The following NUTM2B variants were observed in gnomAD, a reference collection of about 807,000 sequenced individuals.
NUTM2B encodes the protein NUT family member 2B.
NUTM2B carries 2 observed loss-of-function variants against 42.4 expected under a neutral mutation model. The ratio of observed to expected loss-of-function variants is 0.05; its 90% CI spans 0.02 to 0.15. The LOEUF (loss-of-function observed/expected upper bound fraction) is 0.15, where lower values mean the gene tolerates loss of function less well. Ranked by LOEUF, NUTM2B falls within the 10% of genes least tolerant of loss-of-function variation. The pLI is 1.00. For missense variants in NUTM2B, 58 were observed against 952.6 expected (o/e 0.06, Z 12.36); for synonymous variants, 18 against 402.4 (o/e 0.04, Z 11.43).
At chr10:79,695,944 T>C in the NUTM2B span, among the ~76,000 whole-genome samples, 1 of 150,010 alleles carries the variant, frequency 6.7e-6, no homozygotes, top group African/African-American at 2.4e-5. Flanking sequence ...CTACCATTTA[T>C]ATGGATTCTT....
chr10:79,712,359 G>A lies in NUTM2B; in HGVS notation c.2511G>A (p.Gly837=), dbSNP rs764130708. The A allele has an allele frequency of 1.7e-4, 247 of 1,415,820 alleles. 43 individuals are homozygous for A. Among genetic ancestry groups the A allele is most frequent in the Non-Finnish European group, 2.2e-4 (230 of 1,061,372 alleles). The allele number at this position is 1,415,820 out of a possible 1,614,324, so 87.7% of individuals were successfully genotyped here. ...CTGCTGAAAAGACACCCTACCCAGG[G>A]CCTGGGCTCAGGGTCTCTGGGGAGC... Residue 837 remains glycine, a synonymous_variant, in exon 7 of 7, where the codon GGG becomes GGA. Transcript: ENST00000429828.
upstream of NUTM2B, among the ~76,000 whole-genome samples, chr10:79,699,720 G>A (rs1840278321): frequency 6.6e-6 from 1 of 152,162 alleles, no homozygotes; most frequent in South Asian, 2.1e-4. Context: ...TGGGATTATA[G>A]GTGTGAGCCA....
At chr10:79,702,291 C>T (rs1840326454), upstream of NUTM2B, among the ~76,000 whole-genome samples, 1 of 152,008 alleles carries the variant, frequency 6.6e-6, no homozygotes, top group Non-Finnish European at 1.5e-5. Flanking sequence ...CAGACAGTCA[C>T]TGCATGGAGG....
chr10:79,698,397 C>T (rs1302179853), upstream of NUTM2B, among the ~76,000 whole-genome samples: 1 of 150,044 alleles, frequency 6.7e-6, no homozygotes, highest in Non-Finnish European at 1.5e-5. Context: ...CAAAGAAATA[C>T]ACTTTAAATA....
At chr10:79,709,979 C>A in intron 4 of NUTM2B, 40 bp downstream of exon 4, 1 of 516,338 alleles carries the variant, frequency 1.9e-6, no homozygotes, top group South Asian at 2.5e-5. Flanking sequence ...ATGGCAAAGG[C>A]CAAAAGGGCC....
the NUTM2B span, among the ~76,000 whole-genome samples, chr10:79,695,324 T>C: frequency 6.6e-6 from 1 of 152,196 alleles, no homozygotes; most frequent in Admixed American, 6.5e-5. Flanking sequence ...ACATTTTCTG[T>C]ACGGAACTTC....
the NUTM2B span, among the ~76,000 whole-genome samples, chr10:79,698,210 G>T: frequency 2.7e-5 from 4 of 145,718 alleles, no homozygotes; most frequent in Admixed American, 1.4e-4. Flanking sequence ...TCTAATATAC[G>T]CACACAACTT....
At chr10:79,701,853 TAAGAC>T (rs1192117870), upstream of NUTM2B, among the ~76,000 whole-genome samples, 3 of 146,980 alleles carry the variant, frequency 2.0e-5, no homozygotes, top group African/African-American at 5.0e-5. Flanking sequence ...ATTGCAGAAT[TAAGAC>T]AAGACACTTC....
chr10:79,695,091 C>T, the NUTM2B span, among the ~76,000 whole-genome samples: 2 of 152,176 alleles, frequency 1.3e-5, no homozygotes, highest in African/African-American at 2.4e-5. Flanking sequence ...CTGCCCTCCC[C>T]AGGCCCAGGT....
At chr10:79,700,855 C>G (rs1272161210), upstream of NUTM2B, among the ~76,000 whole-genome samples, 1 of 152,204 alleles carries the variant, frequency 6.6e-6, no homozygotes, top group South Asian at 2.1e-4. Flanking sequence ...AGGAGGGCCC[C>G]GCTGGAGATG....
the NUTM2B span, among the ~76,000 whole-genome samples, chr10:79,692,813 G>T: frequency 6.6e-6 from 1 of 152,128 alleles, no homozygotes; most frequent in Non-Finnish European, 1.5e-5. Flanking sequence ...CCAAGAGAAG[G>T]CCCTGGTCTC....
chr10:79,693,235 C>T, the NUTM2B span, among the ~76,000 whole-genome samples: 1 of 152,256 alleles, frequency 6.6e-6, no homozygotes, highest in Non-Finnish European at 1.5e-5. Flanking sequence ...GGCATCAGAA[C>T]AGCCTCCTTT....
chr10:79,694,847 G>C, the NUTM2B span, among the ~76,000 whole-genome samples: 16 of 152,042 alleles, frequency 1.1e-4, no homozygotes, highest in Admixed American at 3.3e-4. Context: ...ACACAGATCG[G>C]TGCCTCCTCT....
chr10:79,700,149 T>C (rs1840286272), upstream of NUTM2B, among the ~76,000 whole-genome samples: 1 of 152,238 alleles, frequency 6.6e-6, no homozygotes, highest in Non-Finnish European at 1.5e-5. Flanking sequence ...GAACAAACTA[T>C]GACTAAAGGA....
At chr10:79,702,495 CCCTGCCCCTGCA>C (rs1377227727), upstream of NUTM2B, among the ~76,000 whole-genome samples, 1 of 151,672 alleles carries the variant, frequency 6.6e-6, no homozygotes, top group East Asian at 1.9e-4. Context: ...TTGCCCCTGC[CCCTGCCCCTGCA>C]GTGTGGCCGC....
chr10:79,697,732 G>A, the NUTM2B span, among the ~76,000 whole-genome samples: 1 of 112,954 alleles, frequency 8.9e-6, no homozygotes, highest in Non-Finnish European at 1.8e-5. Flanking sequence ...TATAGGCATA[G>A]GCTCAAAAAA....
chr10:79,694,383 G>C, the NUTM2B span, among the ~76,000 whole-genome samples: 3 of 148,566 alleles, frequency 2.0e-5, 1 homozygote, highest in South Asian at 6.7e-4. Context: ...GGGCAACAGA[G>C]GGAGACTCTG....
chr10:79,692,660 C>T, the NUTM2B span, among the ~76,000 whole-genome samples: 2 of 152,228 alleles, frequency 1.3e-5, no homozygotes, highest in African/African-American at 4.8e-5. Context: ...CCAGTGCCCA[C>T]TGTCAGCACA....
At chr10:79,700,115 C>G (rs1186153620), upstream of NUTM2B, among the ~76,000 whole-genome samples, 3 of 152,194 alleles carry the variant, frequency 2.0e-5, no homozygotes, top group Non-Finnish European at 4.4e-5. Flanking sequence ...CTCTTGCATC[C>G]ACAACCAACT....
Sources: gnomAD v4.1 joint callset for allele counts (sites outside exome capture counted in the v4.1 genomes callset) on GRCh38, gnomAD v4.1.1 for gene constraint, MANE v1.5 for transcripts, NCBI Gene and HGNC (gene_info 2026-07-23, HGNC 2026-07-21) for gene names.